RTL9: variants seen among roughly 807,000 people sequenced by gnomAD.
RTL9 encodes the protein retrotransposon Gag-like protein 9.
RTL9 carries 19 observed loss-of-function variants against 44.7 expected under a neutral mutation model. The ratio of observed to expected loss-of-function variants is 0.42; its 90% CI spans 0.30 to 0.62. The LOEUF is 0.62. RTL9 is among the 20% of genes least tolerant of loss of function. RTL9 has a pLI of 0.16. For missense variants in RTL9, 1,105 were observed against 1,080.6 expected, an observed-to-expected ratio of 1.02 and a Z score of -0.32; for synonymous variants, 407 against 398.9, an observed-to-expected ratio of 1.02 and a Z score of -0.24.
At chrX:110,367,450 T>A (rs28548268) in intron 1 of RTL9, among the ~76,000 whole-genome samples, 9,636 of 111,713 alleles carry the variant, frequency 0.086, 577 homozygotes, top group African/African-American at 0.21. Flanking sequence ...TTCTCCTTTT[T>A]TTTTCGCCCA....
intron 1 of RTL9, among the ~76,000 whole-genome samples, chrX:110,381,426 G>C (rs1328753208): frequency 1.8e-5 from 2 of 111,934 alleles, no homozygotes; most frequent in Non-Finnish European, 3.8e-5. Context: ...AAAAACAGCA[G>C]ATGTTGAAGA....
chrX:110,454,201 G>C, exon 1 of RTL9: 19 of 1,211,609 alleles, frequency 1.6e-5, no homozygotes, highest in Non-Finnish European at 2.1e-5. Flanking sequence ...CTTCATCTGG[G>C]AGCAGCAGAG....
chrX:110,431,148 T>A (rs2068793205), intron 1 of RTL9, among the ~76,000 whole-genome samples: 2 of 111,924 alleles, frequency 1.8e-5, no homozygotes, highest in Admixed American at 1.9e-4. Flanking sequence ...CAGGAAATAA[T>A]TTGTGAACTC....
chrX:110,361,091 C>A (rs2068260369), intron 1 of RTL9, among the ~76,000 whole-genome samples: 1 of 110,613 alleles, frequency 9.0e-6, no homozygotes, highest in African/African-American at 3.3e-5. Context: ...TTACCATGTT[C>A]AAAACTGCCC....
At chrX:110,366,136 G>T (rs1240934149) in intron 1 of RTL9, among the ~76,000 whole-genome samples, 1 of 111,462 alleles carries the variant, frequency 9.0e-6, no homozygotes, top group East Asian at 2.8e-4. Flanking sequence ...CCCAACAAAG[G>T]TTTTATCCTA....
intron 1 of RTL9, among the ~76,000 whole-genome samples, chrX:110,369,379 G>T (rs1480906078): frequency 1.8e-5 from 2 of 111,268 alleles, no homozygotes; most frequent in Non-Finnish European, 3.8e-5. Context: ...TTTGCCAAGG[G>T]TCCTTTTCTG....
At chrX:110,396,611 C>T (rs915803719) in intron 1 of RTL9, among the ~76,000 whole-genome samples, 6 of 111,949 alleles carry the variant, frequency 5.4e-5, no homozygotes, top group African/African-American at 2.0e-4. Flanking sequence ...TGGGTACTCA[C>T]AATGTGCCCT....
At chrX:110,362,216 T>C (rs967028417) in intron 1 of RTL9, among the ~76,000 whole-genome samples, 6 of 111,427 alleles carry the variant, frequency 5.4e-5, no homozygotes, top group African/African-American at 1.6e-4. Flanking sequence ...GTTTGCAGCA[T>C]ATCAACTCTC....
chrX:110,401,949 C>T (rs1035022727), intron 1 of RTL9, among the ~76,000 whole-genome samples: 1 of 112,275 alleles, frequency 8.9e-6, no homozygotes, highest in African/African-American at 3.2e-5. Flanking sequence ...ATCCAGGTCT[C>T]TCTTCGCTTC....
At chrX:110,454,098 T>G in exon 1 of RTL9, 1 of 1,212,091 alleles carries the variant, frequency 8.3e-7, no homozygotes, top group Non-Finnish European at 1.1e-6. Flanking sequence ...AGCCCGGGGC[T>G]CATGCTCTGT....
At chrX:110,414,496 G>A (rs768109252), upstream of RTL9, among the ~76,000 whole-genome samples, 20 of 112,850 alleles carry the variant, frequency 1.8e-4, no homozygotes, top group Non-Finnish European at 3.4e-4. Context: ...TGCATGCAGT[G>A]TTTCATTTAA....
At chrX:110,455,705 T>G (rs1193274189) in exon 2 of RTL9, 1 of 130,416 alleles carries the variant, frequency 7.7e-6, no homozygotes, top group Non-Finnish European at 1.6e-5. Flanking sequence ...CCTGGTTCTA[T>G]TTCACCTGGC....
At chrX:110,362,066 C>T (rs2068267448) in intron 1 of RTL9, among the ~76,000 whole-genome samples, 1 of 111,821 alleles carries the variant, frequency 8.9e-6, no homozygotes, top group Non-Finnish European at 1.9e-5. Flanking sequence ...AGAATAGTAC[C>T]TGGCATATAG....
intron 1 of RTL9, among the ~76,000 whole-genome samples, chrX:110,366,200 T>A (rs999676810): frequency 5.4e-5 from 6 of 112,004 alleles, no homozygotes; most frequent in African/African-American, 1.9e-4. Context: ...TCTCAAAATG[T>A]ATTCCATGGA....
chrX:110,399,231 CTCAGAACAACCCT>C (rs1212397856), intron 1 of RTL9, among the ~76,000 whole-genome samples: 6 of 112,626 alleles, frequency 5.3e-5, no homozygotes, highest in African/African-American at 1.9e-4. Context: ...ACTTTTAATT[CTCAGAACAACCCT>C]TCAAGGTAGG....
chrX:110,449,284 A>G (rs1391674825), upstream of RTL9, among the ~76,000 whole-genome samples: 1 of 112,339 alleles, frequency 8.9e-6, no homozygotes, highest in Non-Finnish European at 1.9e-5. Context: ...TATGGGAACC[A>G]CATGAGATGA....
At chrX:110,396,271 T>A (rs1210764671) in intron 1 of RTL9, among the ~76,000 whole-genome samples, 1 of 111,564 alleles carries the variant, frequency 9.0e-6, no homozygotes, top group Non-Finnish European at 1.9e-5. Context: ...AAAAATATAG[T>A]ATAATGAACC....
chrX:110,393,093 C>G (rs1373743075), intron 1 of RTL9, among the ~76,000 whole-genome samples: 1 of 111,132 alleles, frequency 9.0e-6, no homozygotes, highest in Non-Finnish European at 1.9e-5. Flanking sequence ...GGCCTGCTTC[C>G]CACCGGAGAC....
intron 1 of RTL9, among the ~76,000 whole-genome samples, chrX:110,362,653 A>T (rs1249959373): frequency 8.9e-6 from 1 of 112,001 alleles, no homozygotes; most frequent in African/African-American, 3.2e-5. Context: ...TAAGAATCAC[A>T]TGGTAGGAAA....
Sources: allele counts gnomAD v4.1 joint callset (sites outside exome capture counted in the v4.1 genomes callset), GRCh38; gene constraint gnomAD v4.1.1; transcripts MANE v1.5; gene names NCBI Gene and HGNC (gene_info 2026-07-23, HGNC 2026-07-21).